The following EDEM3 variants were observed in gnomAD, a reference collection of about 807,000 sequenced individuals.
EDEM3 encodes the protein ER degradation enhancing alpha-mannosidase like protein 3.
Under a neutral mutation model 110.2 loss-of-function variants are expected in EDEM3, and 60 were observed. The observed-to-expected ratio is 0.54, with a 90% CI of 0.44 to 0.67. EDEM3 has a LOEUF of 0.67. Among genes scored for constraint, EDEM3 ranks in the 30% least tolerant of loss-of-function variants. The pLI is 0.00. For missense variants in EDEM3, 996 were observed against 1,121.0 expected (o/e 0.89, Z 1.59); for synonymous variants, 352 against 382.9 (o/e 0.92, Z 0.94).
rs1341281108 is a variant in EDEM3, at chr1:184,710,516, G to A, written c.1723C>T (p.Pro575Ser). The change falls in exon 16 of 20, where the codon CCT becomes TCT. Residue 575 changes from proline to serine, a missense_variant. Physicochemically the swap from Pro to Ser is moderately conservative, Grantham distance 74. Coordinates refer to ENST00000318130, the MANE Select transcript of EDEM3 (RefSeq NM_025191.4). ...EESFRSGAKP[P>S]LRARDFMATN... ...GCCATGAAATCTCTGGCTCTCAGAG[G>A]GGGTTTAGCTCCACTCCTGAAACTC... 1.2e-6 allele frequency: 2 copies of A among 1,613,720 alleles called. No individual in the cohort carries two copies. Among genetic ancestry groups the A allele is most frequent in the Admixed American group, 3.3e-5 (2 of 59,990 alleles).
Position 184,711,876 on chromosome 1 carries a change from G to C in EDEM3, c.1538C>G (p.Thr513Ser), listed in dbSNP as rs764176154. The part of the protein sequence containing the change: ...TNQSISKKNT[T>S]SEYTELDDSN... Reference sequence around the variant, plus strand: ...GTCATCCAGTTCTGTATATTCCGAGGTCTACAAGAGAAAAACATTTTATGT... The same window carrying C: ...GTCATCCAGTTCTGTATATTCCGAGCTCTACAAGAGAAAAACATTTTATGT... The change falls in exon 15 of 20, where the codon ACC (threonine) becomes AGC (serine). Residue 513 changes from threonine (T) to serine (S), a missense_variant and splice_region_variant. Physicochemically the swap from Thr to Ser is moderately conservative, Grantham distance 58. Transcript: ENST00000318130. 3.2e-6 allele frequency: 5 copies of C among 1,577,342 alleles called. No homozygotes were observed. In the Admixed American group the frequency reaches 7.9e-5, roughly 25 times the overall value.
Position 184,702,814 on chromosome 1 carries a change from G to A in EDEM3, c.2386C>T (p.Arg796Ter). 1.9e-6 allele frequency: 3 copies of A among 1,585,026 alleles called. No homozygotes were observed. Among genetic ancestry groups the A allele is most frequent in the Non-Finnish European group, 2.6e-6 (3 of 1,167,662 alleles). ...EVLLSDKAKDRDPEMENEEQP... is the reference protein window; with the variant it reads ...EVLLSDKAKD ...ACAAATGGTATTTTACTCTTACCTCGATCTTTTGCTTTATCAGAGAGGAGC... is the reference window on the plus strand; with the variant it reads ...ACAAATGGTATTTTACTCTTACCTCAATCTTTTGCTTTATCAGAGAGGAGC... The change falls in exon 19 of 20, where the codon CGA becomes TGA. Residue 796 changes from arginine to a stop codon, truncating the protein, a stop_gained. Transcript: ENST00000318130. LOFTEE classifies it high-confidence loss of function.
intron 6 of EDEM3, among the ~76,000 whole-genome samples, chr1:184,728,350 A>G (rs530437159): frequency 2.0e-5 from 3 of 152,372 alleles, no homozygotes; most frequent in Admixed American, 6.5e-5. Flanking sequence ...AAGAGTAGTC[A>G]TAAGAAAGCA....
chr1:184,698,772 CAGAGAGAGAGACAGAGACAG>C (rs1649458739), intron 19 of EDEM3, among the ~76,000 whole-genome samples: 2 of 151,242 alleles, frequency 1.3e-5, no homozygotes, highest in Admixed American at 6.6e-5. Context: ...TGTAGAGAAG[CAGAGAGAGAGACAGAGACAG>C]AGAGAGAGAG....
At chr1:184,703,038 C>A in intron 18 of EDEM3, 42 bp from the exon 19 acceptor site, 1 of 1,474,092 alleles carries the variant, frequency 6.8e-7, no homozygotes, top group South Asian at 1.3e-5. Context: ...AATATCCAGC[C>A]ATTAAAAAGA....
At position 184,726,409 on chromosome 1, in the gene EDEM3, TG is replaced by T. The variant is rs1651196807; in HGVS notation, c.613-21del. ...ATTAATCTGAATACAATTAGAAAAT[TG>T]TCATTAGCAGTTATCAAGACAATGA... is the stretch of plus-strand genomic sequence containing the variant. On this transcript the variant is annotated intron_variant, in intron 6 of 19. Transcript: ENST00000318130. The T allele has an allele frequency of 6.2e-7, 1 of 1,609,990 alleles. No homozygotes were observed. Among genetic ancestry groups the T allele is most frequent in the Non-Finnish European group, 8.5e-7 (1 of 1,177,992 alleles).
intron 8 of EDEM3, 43 bp from the exon 9 acceptor site, chr1:184,721,429 A>G: frequency 6.6e-7 from 1 of 1,515,004 alleles, no homozygotes. Flanking sequence ...TTTTTTTAAA[A>G]CCGTTAAATT....
At chr1:184,728,928 T>C (rs1017267922) in intron 6 of EDEM3, among the ~76,000 whole-genome samples, 10 of 152,248 alleles carry the variant, frequency 6.6e-5, no homozygotes, top group Middle Eastern at 3.4e-3. Context: ...AACTTTTAAA[T>C]GCAGAACCAA....
At chr1:184,710,746 TA>T (rs1211893023) in intron 15 of EDEM3, among the ~76,000 whole-genome samples, 199 bp from the exon 16 acceptor site, 18 of 152,336 alleles carry the variant, frequency 1.2e-4, no homozygotes, top group African/African-American at 4.3e-4. Context: ...TTTCTAGTTA[TA>T]AAAGTTTGTA....
chr1:184,713,258 C>T (rs1650361144), intron 13 of EDEM3, among the ~76,000 whole-genome samples: 1 of 151,800 alleles, frequency 6.6e-6, no homozygotes, highest in Non-Finnish European at 1.5e-5. Flanking sequence ...CAGAGCAAGA[C>T]TCCGACTCAA....
chr1:184,710,674 T>A, intron 15 of EDEM3, 127 bp from the exon 16 acceptor site: 2 of 1,078,172 alleles, frequency 1.9e-6, no homozygotes, highest in Non-Finnish European at 2.6e-6. Flanking sequence ...CTGGAATAAC[T>A]AGAAAGTATT....
Position 184,716,896 on chromosome 1 carries a change from A to G in EDEM3, c.1362T>C (p.His454=). The change falls in exon 13 of 20, where the codon CAT becomes CAC. Residue 454 remains histidine, a synonymous_variant. Coordinates refer to ENST00000318130, the MANE Select transcript of EDEM3 (RefSeq NM_025191.4). ...AAMKDVRTGS[H]EDRMDSFFLA... is the part of the protein sequence containing the mutation. Reference sequence around the variant, plus strand: ...GTTAGCAATTGTTTTACCTGTCCTCATGACTTCCAGTACGAACATCCTTCA... The same window carrying G: ...GTTAGCAATTGTTTTACCTGTCCTCGTGACTTCCAGTACGAACATCCTTCA... 6.2e-7 allele frequency: 1 copy of G among 1,613,300 alleles called. No individual in the cohort carries two copies. The highest frequency in any genetic ancestry group is 2.2e-5 in the East Asian group (1 of 44,842).
At chr1:184,710,276 CACTT>C in intron 16 of EDEM3, 114 bp downstream of exon 16, 1 of 1,232,406 alleles carries the variant, frequency 8.1e-7, no homozygotes, top group Non-Finnish European at 1.1e-6. Context: ...CTCATTCTCT[CACTT>C]TAAACAGTAT....
At chr1:184,733,593 G>A (rs1341489718) in intron 5 of EDEM3, among the ~76,000 whole-genome samples, 2 of 152,190 alleles carry the variant, frequency 1.3e-5, no homozygotes, top group African/African-American at 4.8e-5. Flanking sequence ...ACTTTGGGAG[G>A]CCGAGGCAGG....
chr1:184,726,533 C>G, intron 6 of EDEM3, 144 bp from the exon 7 acceptor site: 1 of 907,248 alleles, frequency 1.1e-6, no homozygotes, highest in East Asian at 2.7e-5. Context: ...CTGATGATCT[C>G]TGACTTTCCA....
intron 6 of EDEM3, among the ~76,000 whole-genome samples, chr1:184,729,881 C>G (rs1011786933): frequency 1.6e-4 from 24 of 152,120 alleles, no homozygotes; most frequent in African/African-American, 5.1e-4. Flanking sequence ...CTAGATTCCT[C>G]AAAATCTAAC....
At chr1:184,706,573 AAAT>A (rs1279987164) in intron 18 of EDEM3, 67 bp downstream of exon 18, 4 of 1,404,722 alleles carry the variant, frequency 2.8e-6, no homozygotes, top group Non-Finnish European at 3.8e-6. Context: ...AAATTTTAGA[AAAT>A]AAAAGGGAAA....
chr1:184,752,695 T>C (rs1486979759), intron 1 of EDEM3, among the ~76,000 whole-genome samples: 2 of 152,228 alleles, frequency 1.3e-5, no homozygotes. Flanking sequence ...TCAAATAAGA[T>C]TCTTGTGGTT....
Position 184,692,852 on chromosome 1 carries a change from C to T in EDEM3, c.*1211G>A, listed in dbSNP as rs540116639. The T allele has an allele frequency of 6.9e-6, 1 of 144,142 alleles. No individual in the cohort carries two copies. The highest frequency in any genetic ancestry group is 1.5e-5 in the Non-Finnish European group (1 of 65,784). The allele number at this position is 144,142 out of a possible 1,614,324, so 8.9% of individuals were successfully genotyped here. ...TATAGCTATATGTAGTTGTATTGTA[C>T]TTTTTTTTTTAAACACAGGTCACCA... On this transcript the variant is annotated 3_prime_UTR_variant, in exon 20 of 20. Transcript: ENST00000318130.
Sources: gnomAD v4.1 joint callset for allele counts (sites outside exome capture counted in the v4.1 genomes callset) on GRCh38, gnomAD v4.1.1 for gene constraint, MANE v1.5 for transcripts, NCBI Gene and HGNC (gene_info 2026-07-23, HGNC 2026-07-21) for gene names.